Variants in ROR1 observed in about 807,000 individuals in gnomAD.
The protein encoded by ROR1 is inactive tyrosine-protein kinase transmembrane receptor ROR1.
In ROR1, 19 loss-of-function variants were observed where a neutral mutation model predicts 78.8. That is an observed-to-expected ratio of 0.24 (90% confidence interval 0.17 to 0.35). The LOEUF (loss-of-function observed/expected upper bound fraction) is 0.35. ROR1 is among the 10% of genes least tolerant of loss of function. ROR1 has a pLI of 1.00. For missense variants in ROR1, 917 were observed against 1,177.8 expected (o/e 0.78, Z 3.24); for synonymous variants, 386 against 433.6 (o/e 0.89, Z 1.36).
At chr1:63,994,728 C>G (rs1646323734) in intron 1 of ROR1, among the ~76,000 whole-genome samples, 1 of 152,202 alleles carries the variant, frequency 6.6e-6, no homozygotes, top group South Asian at 2.1e-4. Context: ...CCCCAAATAC[C>G]TCCGTCATCC....
chr1:64,141,016 G>A (rs114251881), intron 6 of ROR1, among the ~76,000 whole-genome samples: 18 of 152,142 alleles, frequency 1.2e-4, no homozygotes, highest in African/African-American at 2.9e-4. Context: ...TCAGATTAGC[G>A]GTTACCAGGG....
chr1:63,790,022 A>G (rs1384774604), intron 1 of ROR1, among the ~76,000 whole-genome samples: 1 of 152,132 alleles, frequency 6.6e-6, no homozygotes, highest in Non-Finnish European at 1.5e-5. Flanking sequence ...CATCAGCTAC[A>G]GTCCTTCTGT....
intron 1 of ROR1, among the ~76,000 whole-genome samples, chr1:63,966,105 C>T (rs1646072975): frequency 1.3e-5 from 2 of 152,170 alleles, no homozygotes. Context: ...ACTCATGGTT[C>T]GTTATCATTC....
intron 1 of ROR1, among the ~76,000 whole-genome samples, chr1:63,920,355 A>G (rs1260608503): frequency 1.3e-5 from 2 of 152,232 alleles, no homozygotes; most frequent in African/African-American, 4.8e-5. Flanking sequence ...GGGTAAGGAA[A>G]GAATAGCAGG....
intron 1 of ROR1, among the ~76,000 whole-genome samples, chr1:63,874,203 C>G (rs1236204742): frequency 6.6e-6 from 1 of 152,168 alleles, no homozygotes; most frequent in African/African-American, 2.4e-5. Flanking sequence ...TGCATAATTA[C>G]TCTCTTGTTT....
chr1:64,159,404 A>G (rs541540236), intron 8 of ROR1, among the ~76,000 whole-genome samples: 1 of 152,312 alleles, frequency 6.6e-6, no homozygotes, highest in East Asian at 1.9e-4. Context: ...TGAGCCAGCC[A>G]TATCACTGCC....
In ROR1 at chr1:63,974,868, G is replaced by A. The variant is rs374689233; in HGVS notation, c.92-34437G>A. Among the ~76,000 whole-genome samples, 24 of 152,238 alleles carry A rather than the reference G, an allele frequency of 1.6e-4. No individual in the cohort carries two copies. In the South Asian group the frequency reaches 4.8e-3, roughly 30 times the overall value. On this transcript the variant is annotated intron_variant, in intron 1 of 8. Coordinates refer to ENST00000371079, the MANE Select transcript of ROR1 (RefSeq NM_005012.4). ...TTTCACTACATTTACTGAGGTATGA[G>A]GGGGACAGTGCAGAACTTGGGTTCC...
At chr1:64,131,212 C>T (rs868349124) in intron 4 of ROR1, among the ~76,000 whole-genome samples, 1 of 152,160 alleles carries the variant, frequency 6.6e-6, no homozygotes, top group South Asian at 2.1e-4. Flanking sequence ...GTGATTTCCT[C>T]TCCATGGCTC....
intron 2 of ROR1, 78 bp from the exon 3 acceptor site, chr1:64,049,613 C>A: frequency 1.6e-6 from 2 of 1,283,762 alleles, no homozygotes. Flanking sequence ...CCCAAGGGTA[C>A]ACTGGAGGGG....
At chr1:63,918,667 T>C (rs925830582) in intron 1 of ROR1, among the ~76,000 whole-genome samples, 3 of 152,192 alleles carry the variant, frequency 2.0e-5, no homozygotes. Flanking sequence ...AAAATTTTCT[T>C]GTGAAACACT....
intron 1 of ROR1, among the ~76,000 whole-genome samples, chr1:63,989,940 C>T (rs976186054): frequency 1.3e-5 from 2 of 152,176 alleles, no homozygotes; most frequent in Non-Finnish European, 2.9e-5. Context: ...TTCCTCATTG[C>T]TCAGAGTGCT....
chr1:64,006,041 T>C (rs1646425261), intron 1 of ROR1, among the ~76,000 whole-genome samples: 1 of 152,192 alleles, frequency 6.6e-6, no homozygotes, highest in Non-Finnish European at 1.5e-5. Context: ...GTGTTAGCAG[T>C]GCCAAGAATC....
chr1:64,003,083 A>C (rs770570252), intron 1 of ROR1, among the ~76,000 whole-genome samples: 3 of 152,162 alleles, frequency 2.0e-5, no homozygotes, highest in African/African-American at 4.8e-5. Context: ...TCATAAAATG[A>C]AGATAATAAA....
chr1:63,876,645 GGT>G (rs367954652), intron 1 of ROR1, among the ~76,000 whole-genome samples: 4,329 of 130,232 alleles, frequency 0.033, 79 homozygotes, highest in East Asian at 0.071. Context: ...CCACGAAAGG[GGT>G]GTGTGTGTGT....
chr1:64,067,444 C>CAAAAAA (rs58105318), intron 4 of ROR1, among the ~76,000 whole-genome samples: 24 of 57,480 alleles, frequency 4.2e-4, no homozygotes, highest in South Asian at 9.3e-4. Flanking sequence ...GCCTCCGTCT[C>CAAAAAA]AAAAAAAAAA....
In ROR1 at chr1:63,823,445, C is replaced by CTTTTTTTTT; in HGVS notation, c.91+48951_91+48959dup. Among the ~76,000 whole-genome samples, 8 of 106,168 alleles carry CTTTTTTTTT rather than the reference C, an allele frequency of 7.5e-5. 1 individual carries two copies. The highest frequency in any genetic ancestry group is 1.9e-4 in the African/African-American group (5 of 26,502). 69.7% of individuals were successfully genotyped at this position (106,168 alleles called of 152,430 possible). A position where few individuals can be genotyped will look rare whatever the true frequency, so the allele number is the denominator to read the frequency against. ...ATATTGCTGCTAACTACAGACATTA[C>CTTTTTTTTT]TTTTTTTTTTTTTTTTTTTTTTGAG... On this transcript the variant is annotated intron_variant, in intron 1 of 8. Transcript: ENST00000371079.
intron 4 of ROR1, among the ~76,000 whole-genome samples, chr1:64,093,757 C>T (rs549376605): frequency 6.6e-6 from 1 of 152,256 alleles, no homozygotes; most frequent in South Asian, 2.1e-4. Context: ...CAGTGCCAGA[C>T]TGCAACACTT....
intron 8 of ROR1, among the ~76,000 whole-genome samples, chr1:64,162,516 G>A (rs1473046120): frequency 6.6e-6 from 1 of 152,190 alleles, no homozygotes; most frequent in Non-Finnish European, 1.5e-5. Flanking sequence ...GCACCTTAAC[G>A]CCGAACAATC....
chr1:63,974,438 G>T (rs1316126130), intron 1 of ROR1, among the ~76,000 whole-genome samples: 1 of 152,098 alleles, frequency 6.6e-6, no homozygotes, highest in Non-Finnish European at 1.5e-5. Flanking sequence ...AATTCAATAT[G>T]AGGTGTTTTT....
Sources: allele counts gnomAD v4.1 joint callset (sites outside exome capture counted in the v4.1 genomes callset), GRCh38; gene constraint gnomAD v4.1.1; transcripts MANE v1.5; gene names NCBI Gene and HGNC (gene_info 2026-07-23, HGNC 2026-07-21).